Variants in LTN1 observed in about 807,000 individuals in gnomAD.
The protein encoded by LTN1 is E3 ubiquitin-protein ligase listerin.
LTN1 carries 88 observed loss-of-function variants against 201.2 expected under a neutral mutation model. That is an observed-to-expected ratio of 0.44 (90% CI 0.37 to 0.52). The LOEUF (loss-of-function observed/expected upper bound fraction) is 0.52, where lower values mean the gene tolerates loss of function less well. LTN1 is among the 20% of genes least tolerant of loss of function. LTN1 has a pLI of 0.00. For synonymous variants in LTN1, 645 were observed against 713.5 expected, an observed-to-expected ratio of 0.90 and a Z score of 1.53; for missense variants, 1,752 against 2,038.7, an observed-to-expected ratio of 0.86 and a Z score of 2.71.
rs144146451 is a variant in LTN1, at chr21:28,957,406, T to C, written c.2818A>G (p.Met940Val). The C allele has an allele frequency of 1.2e-6, 2 of 1,608,200 alleles. No homozygotes were observed. The highest frequency in any genetic ancestry group is 1.3e-5 in the African/African-American group (1 of 74,600). The change falls in exon 15 of 30, where the codon ATG (methionine) becomes GTG (valine). Residue 940 changes from methionine to valine, a missense_variant. By Grantham distance (21) the Met-to-Val change is conservative. Coordinates refer to ENST00000361371, the MANE Select transcript of LTN1 (RefSeq NM_015565.3). ...ATTACACTTCCAATATAAACTCCCA[T>C]AAGATAAGAATCTTCACTCTCTAGA... ...TLLESEDSYL[M>V]GVYIGSVMPN...
chr21:28,967,155 G>T lies in LTN1; in HGVS notation c.1336C>A (p.Leu446Ile). 6.2e-7 allele frequency: 1 copy of T among 1,611,408 alleles called. No homozygotes were observed. Among genetic ancestry groups the T allele is most frequent in the Non-Finnish European group, 8.5e-7 (1 of 1,179,160 alleles). The change falls in exon 10 of 30, where the codon CTC becomes ATC. Residue 446 changes from leucine to isoleucine, a missense_variant. Coordinates refer to ENST00000361371, the MANE Select transcript of LTN1 (RefSeq NM_015565.3). ...CCATGTTGCAATCCTGGGTCTTTGA[G>T]AACTGCATCAATAAAAGGGATCAAC... ...DQLIPFIDAVLKDPGLQHGQL... is the reference protein window; with the variant it reads ...DQLIPFIDAVIKDPGLQHGQL...
At chr21:28,970,435 T>G in intron 8 of LTN1, 117 bp downstream of exon 8, 1 of 722,856 alleles carries the variant, frequency 1.4e-6, no homozygotes, top group Non-Finnish European at 2.3e-6. Flanking sequence ...CTCTGAAAAC[T>G]TTAAAAGTAT....
At chr21:28,976,681 A>G (rs1165040131) in intron 6 of LTN1, among the ~76,000 whole-genome samples, 1 of 152,124 alleles carries the variant, frequency 6.6e-6, no homozygotes, top group African/African-American at 2.4e-5. Flanking sequence ...AAGTTTCTCC[A>G]TATTGGTCTA....
rs1359483805 is a variant in LTN1 at position 28,932,601 on chromosome 21, C to T, written c.4939G>A (p.Glu1647Lys). Residue 1647 changes from glutamate (E) to lysine (K), a missense_variant, in exon 28 of 30, where the codon GAA becomes AAA. Coordinates refer to ENST00000361371, the MANE Select transcript of LTN1 (RefSeq NM_015565.3). ...ATYTIEDIVI[E>K]LIIQLPSNYP... ...TTTGAAGGCAGTTGTATTATAAGTT[C>T]AATAACTATGTCCTCAATAGTATAA... 1 of 1,613,716 alleles carries T rather than the reference C, an allele frequency of 6.2e-7. No homozygotes were observed. Among genetic ancestry groups the T allele is most frequent in the Non-Finnish European group, 8.5e-7 (1 of 1,179,726 alleles).
chr21:28,970,543 ATTAC>A lies in LTN1; in HGVS notation c.1175+5_1175+8del. 6 of 1,578,764 alleles carry A rather than the reference ATTAC, an allele frequency of 3.8e-6. No homozygotes were observed. The African/African-American group carries it at 4.1e-5, about 11-fold the overall frequency. On this transcript the variant is annotated splice_donor_5th_base_variant and intron_variant, in intron 8 of 29. Transcript: ENST00000361371. The stretch of plus-strand genomic sequence containing the variant: ...TTTGTTTTAAAAATCAAAAATTTAA[ATTAC>A]TTACCCAGCAACTAGAGACGTGAGG...
intron 29 of LTN1, among the ~76,000 whole-genome samples, chr21:28,930,809 A>G (rs959590263): frequency 1.3e-5 from 2 of 152,188 alleles, no homozygotes; most frequent in African/African-American, 4.8e-5. Flanking sequence ...AAAAGAGCAC[A>G]GGGCTCTGAT....
At chr21:28,964,865 C>A (rs1054465516) in intron 11 of LTN1, 1 of 1,384,060 alleles carries the variant, frequency 7.2e-7, no homozygotes, top group Non-Finnish European at 9.4e-7. Flanking sequence ...TAATTTAGCT[C>A]TTCATGTAAC....
intron 1 of LTN1, among the ~76,000 whole-genome samples, chr21:28,988,466 CAAA>C (rs34339110): frequency 8.2e-6 from 1 of 122,284 alleles, no homozygotes; most frequent in African/African-American, 2.9e-5. Context: ...GGCTCTGTCT[CAAA>C]AAAAAAAAAA....
Position 28,930,344 on chromosome 21 carries a change from A to T in LTN1, c.*104T>A. 1.3e-6 allele frequency: 1 copy of T among 754,502 alleles called. No individual in the cohort carries two copies. Among genetic ancestry groups the T allele is most frequent in the Non-Finnish European group, 2.2e-6 (1 of 461,210 alleles). 46.7% of individuals were successfully genotyped at this position (754,502 alleles called of 1,614,324 possible). On this transcript the variant is annotated 3_prime_UTR_variant, in exon 30 of 30. Coordinates refer to ENST00000361371, the MANE Select transcript of LTN1 (RefSeq NM_015565.3). ...TAATTTTCCAGAGAAGGTCCTATTT[A>T]AAAGTAATGCTCACTGGCTTCCCCA... is the stretch of plus-strand genomic sequence containing the variant.
intron 4 of LTN1, among the ~76,000 whole-genome samples, chr21:28,983,845 C>T (rs1252720707): frequency 1.3e-5 from 2 of 152,150 alleles, no homozygotes; most frequent in Admixed American, 1.3e-4. Flanking sequence ...ACTTCATCTA[C>T]TTTTATTTCT....
intron 26 of LTN1, 140 bp downstream of exon 26, chr21:28,936,386 T>C (rs2084257017): frequency 1.7e-6 from 1 of 571,716 alleles, no homozygotes; most frequent in Non-Finnish European, 3.0e-6. Context: ...TTTAGAGAAA[T>C]ATGGAAAATG....
chr21:28,946,288 CTAAAG>C lies in LTN1; in HGVS notation c.3488-6_3488-2del, dbSNP rs373358802. On this transcript the variant is annotated splice_acceptor_variant and splice_polypyrimidine_tract_variant and intron_variant, in intron 19 of 29. Transcript: ENST00000361371. LOFTEE classifies it high-confidence loss of function. The stretch of plus-strand genomic sequence containing the variant: ...AAAATGGCAAGATGTCCAAAACCTC[CTAAAG>C]TAAAATTCAAAATGAAAATTAAAAA... 1.4e-3 allele frequency: 2,122 copies of C among 1,540,876 alleles called. 4 individuals are homozygous for C. Among genetic ancestry groups the C allele is most frequent in the Non-Finnish European group, 1.7e-3 (1,989 of 1,152,578 alleles).
At position 28,936,637 on chromosome 21, in the gene LTN1, G is replaced by A. The variant is rs756389239; in HGVS notation, c.4543C>T (p.His1515Tyr). The A allele has an allele frequency of 1.9e-6, 3 of 1,613,798 alleles. No individual in the cohort carries two copies. The highest frequency in any genetic ancestry group is 2.5e-6 in the Non-Finnish European group (3 of 1,179,812). ...TTTTCTGGCATAAGCCTGAACAGGT[G>A]ATAGAGCAATTTATTCAAACTCTTT... ...KTKSLNKLLY[H>Y]LFRLMPENPT... Residue 1515 changes from histidine to tyrosine, a missense_variant, in exon 26 of 30, where the codon CAC becomes TAC. Coordinates refer to ENST00000361371, the MANE Select transcript of LTN1 (RefSeq NM_015565.3).
At position 28,946,167 on chromosome 21, in the gene LTN1, A is replaced by G. The variant is rs768374815; in HGVS notation, c.3608T>C (p.Ile1203Thr). The G allele has an allele frequency of 9.5e-6, 15 of 1,580,946 alleles. No homozygotes were observed. Among genetic ancestry groups the G allele is most frequent in the Non-Finnish European group, 1.3e-5 (15 of 1,165,466 alleles). Reference sequence around the variant, plus strand: ...TATCACCTACCAACTGAAAAGAAAAATATCTTCATGCTCTTTCTTCCAGGA... The same window carrying G: ...TATCACCTACCAACTGAAAAGAAAAGTATCTTCATGCTCTTTCTTCCAGGA... Reference protein sequence around the residue: ...IISWKKEHEDIFLFSCNLSEA... With the variant: ...IISWKKEHEDTFLFSCNLSEA... Residue 1203 changes from isoleucine (I) to threonine (T), a missense_variant, in exon 20 of 30, where the codon ATT becomes ACT. Coordinates refer to ENST00000361371, the MANE Select transcript of LTN1 (RefSeq NM_015565.3).
Position 28,966,591 on chromosome 21 carries a change from G to A in LTN1, c.1900C>T (p.Leu634Phe). The change falls in exon 10 of 30, where the codon CTT becomes TTT. Residue 634 changes from leucine (L) to phenylalanine (F), a missense_variant. Transcript: ENST00000361371. ...FSSSRVFKMLLGDEKQSIVQA... is the reference protein window; with the variant it reads ...FSSSRVFKMLFGDEKQSIVQA... The stretch of plus-strand genomic sequence containing the variant: ...ACAATACTCTGTTTTTCATCACCAA[G>A]TAGCATTTTAAATACTCGGCTTGAA... The A allele has an allele frequency of 6.2e-7, 1 of 1,614,066 alleles. No homozygotes were observed. Among genetic ancestry groups the A allele is most frequent in the Non-Finnish European group, 8.5e-7 (1 of 1,179,994 alleles).
At chr21:28,992,664 T>A in intron 1 of LTN1, 100 bp downstream of exon 1, 1 of 1,349,520 alleles carries the variant, frequency 7.4e-7, no homozygotes, top group Non-Finnish European at 1.0e-6. Context: ...AACACACGCC[T>A]CCCTACAGCC....
chr21:28,984,853 G>C lies in LTN1; in HGVS notation c.415C>G (p.Gln139Glu). 6.2e-7 allele frequency: 1 copy of C among 1,613,998 alleles called. No homozygotes were observed. The highest frequency in any genetic ancestry group is 8.5e-7 in the Non-Finnish European group (1 of 1,179,968). Residue 139 changes from glutamine (Q) to glutamate (E), a missense_variant, in exon 4 of 30, where the codon CAG (glutamine) becomes GAG (glutamate). Physicochemically the swap from Gln to Glu is conservative, Grantham distance 29. Coordinates refer to ENST00000361371, the MANE Select transcript of LTN1 (RefSeq NM_015565.3). ...FEKLILKVKKQLAPYLKSLMG... is the reference protein window; with the variant it reads ...FEKLILKVKKELAPYLKSLMG... ...AAACTTTTTAAGTAGGGAGCCAACT[G>C]TTTCTTTACTTTAAGGATAAGTTTT... is the stretch of plus-strand genomic sequence containing the variant.
intron 1 of LTN1, among the ~76,000 whole-genome samples, chr21:28,991,222 T>C (rs973539174): frequency 1.3e-5 from 2 of 150,086 alleles, no homozygotes; most frequent in Non-Finnish European, 3.0e-5. Flanking sequence ...GCCCAAGAGG[T>C]TGACACTGCA....
At chr21:28,992,722 CGAAGCGAGGCTCCCGGG>C in intron 1 of LTN1, 25 bp downstream of exon 1, 2 of 1,611,732 alleles carry the variant, frequency 1.2e-6, no homozygotes, top group Non-Finnish European at 1.7e-6. Flanking sequence ...CCAGCCGCCT[CGAAGCGAGGCTCCCGGG>C]TCGGCCGAGC....
Sources: gnomAD v4.1 joint callset for allele counts (sites outside exome capture counted in the v4.1 genomes callset) on GRCh38, gnomAD v4.1.1 for gene constraint, MANE v1.5 for transcripts, NCBI Gene and HGNC (gene_info 2026-07-23, HGNC 2026-07-21) for gene names.